Variants in CTNNA3 observed in about 807,000 individuals in gnomAD.
The protein encoded by CTNNA3 is catenin alpha-3.
In CTNNA3, 76 loss-of-function variants were observed where a neutral mutation model predicts 95.7. The observed-to-expected ratio is 0.79, with a 90% CI of 0.66 to 0.96. The LOEUF (loss-of-function observed/expected upper bound fraction) is 0.96. CTNNA3 is among the 40% of genes least tolerant of loss of function. CTNNA3 has a pLI of 0.00. For missense variants in CTNNA3, 1,191 were observed against 1,089.8 expected, an observed-to-expected ratio of 1.09 and a Z score of -1.31; for synonymous variants, 431 against 374.4, an observed-to-expected ratio of 1.15 and a Z score of -1.74.
intron 7 of CTNNA3, among the ~76,000 whole-genome samples, chr10:67,163,056 T>G (rs1421677566): frequency 6.6e-6 from 1 of 151,912 alleles, no homozygotes; most frequent in Non-Finnish European, 1.5e-5. Context: ...CTGCCAAATA[T>G]TTAAACATAT....
chr10:66,920,971 G>A (rs534918127), intron 7 of CTNNA3, among the ~76,000 whole-genome samples: 32 of 152,260 alleles, frequency 2.1e-4, no homozygotes, highest in African/African-American at 7.5e-4. Flanking sequence ...TGGTGGCCTC[G>A]TTACTGTGTC....
At chr10:66,758,610 C>T (rs1396036628) in intron 9 of CTNNA3, among the ~76,000 whole-genome samples, 1 of 152,118 alleles carries the variant, frequency 6.6e-6, no homozygotes, top group Non-Finnish European at 1.5e-5. Flanking sequence ...TTTTCAAGTT[C>T]AGAGAAGTTT....
intron 11 of CTNNA3, among the ~76,000 whole-genome samples, chr10:66,504,081 A>G (rs1423813712): frequency 6.6e-6 from 1 of 152,108 alleles, no homozygotes; most frequent in African/African-American, 2.4e-5. Context: ...TTGTTCTCTC[A>G]GCGATTTTCA....
At chr10:67,440,228 G>C (rs1374150159) in intron 5 of CTNNA3, among the ~76,000 whole-genome samples, 1 of 152,218 alleles carries the variant, frequency 6.6e-6, no homozygotes, top group Non-Finnish European at 1.5e-5. Context: ...GGTGGTGGTG[G>C]TGGCGATGGA....
At chr10:66,626,363 T>C (rs1374092572) in intron 9 of CTNNA3, among the ~76,000 whole-genome samples, 9 of 136,794 alleles carry the variant, frequency 6.6e-5, no homozygotes, top group African/African-American at 2.1e-4. Flanking sequence ...ATTGTTTATA[T>C]ATTGTTCATA....
At chr10:66,933,193 C>T (rs1847506281) in intron 7 of CTNNA3, among the ~76,000 whole-genome samples, 1 of 152,206 alleles carries the variant, frequency 6.6e-6, no homozygotes, top group African/African-American at 2.4e-5. Context: ...TACAGAACCC[C>T]AAGCCCATTT....
At chr10:66,902,708 C>T (rs61866196) in intron 7 of CTNNA3, among the ~76,000 whole-genome samples, 4 of 152,062 alleles carry the variant, frequency 2.6e-5, no homozygotes, top group Admixed American at 6.6e-5. Flanking sequence ...ATATCACCAC[C>T]GATCCCACAG....
intron 5 of CTNNA3, among the ~76,000 whole-genome samples, chr10:67,292,347 G>A (rs1449145358): frequency 1.3e-5 from 2 of 152,040 alleles, no homozygotes; most frequent in Admixed American, 1.3e-4. Flanking sequence ...GAGACAGGAG[G>A]GCAGGAGAAA....
intron 6 of CTNNA3, among the ~76,000 whole-genome samples, chr10:67,203,670 G>T (rs1226466171): frequency 3.3e-5 from 5 of 151,954 alleles, no homozygotes; most frequent in Non-Finnish European, 7.4e-5. Context: ...AAAATATCTT[G>T]ATTTTTCTTG....
chr10:66,428,430 C>G (rs1341178477), intron 11 of CTNNA3, among the ~76,000 whole-genome samples: 3 of 152,120 alleles, frequency 2.0e-5, no homozygotes, highest in Admixed American at 2.0e-4. Context: ...AACTCTCCAC[C>G]CCAAATCAAC....
intron 9 of CTNNA3, among the ~76,000 whole-genome samples, chr10:66,692,061 C>T (rs1195370440): frequency 6.6e-6 from 1 of 152,186 alleles, no homozygotes; most frequent in African/African-American, 2.4e-5. Context: ...AGCGCCTCTC[C>T]TCCTCCAAAG....
chr10:67,693,309 T>A (rs12415174), intron 1 of CTNNA3, among the ~76,000 whole-genome samples: 35,786 of 151,970 alleles, frequency 0.24, 5,010 homozygotes, highest in East Asian at 0.51. Flanking sequence ...TCCACCCCGC[T>A]GTACCATCTC....
At chr10:66,572,348 A>C (rs539366136) in intron 10 of CTNNA3, among the ~76,000 whole-genome samples, 1 of 151,032 alleles carries the variant, frequency 6.6e-6, no homozygotes. Flanking sequence ...GCACCACTGC[A>C]CTCCAGCCTG....
chr10:67,297,521 T>A (rs1317351272), intron 5 of CTNNA3, among the ~76,000 whole-genome samples: 2 of 152,220 alleles, frequency 1.3e-5, no homozygotes, highest in African/African-American at 4.8e-5. Flanking sequence ...TTCAGTATAC[T>A]ATGCAATCCA....
At chr10:66,703,915 C>G (rs1017864146) in intron 9 of CTNNA3, among the ~76,000 whole-genome samples, 1 of 152,138 alleles carries the variant, frequency 6.6e-6, no homozygotes, top group African/African-American at 2.4e-5. Context: ...TACTACATGA[C>G]CAGAAGATGC....
At chr10:66,964,292 C>G (rs1213218797) in intron 7 of CTNNA3, among the ~76,000 whole-genome samples, 1 of 142,772 alleles carries the variant, frequency 7.0e-6, no homozygotes, top group Non-Finnish European at 1.5e-5. Flanking sequence ...TTTTTTTTTT[C>G]CGCATTTCAA....
At chr10:67,450,547 A>T (rs967053333) in intron 5 of CTNNA3, among the ~76,000 whole-genome samples, 72 of 152,248 alleles carry the variant, frequency 4.7e-4, no homozygotes, top group African/African-American at 1.7e-3. Context: ...ATCAAATACC[A>T]CATGTTCTCA....
At chr10:67,300,595 T>C (rs559798411) in intron 5 of CTNNA3, among the ~76,000 whole-genome samples, 5 of 152,358 alleles carry the variant, frequency 3.3e-5, no homozygotes, top group East Asian at 1.9e-4. Context: ...TTCTACCTTA[T>C]TGACTATAGG....
At chr10:67,630,963 T>C (rs10997763) in intron 2 of CTNNA3, among the ~76,000 whole-genome samples, 20,112 of 152,228 alleles carry the variant, frequency 0.13, 1,435 homozygotes, top group Non-Finnish European at 0.16. Flanking sequence ...ACAGTTTCAT[T>C]ATATAATGAC....
Sources: gnomAD v4.1 joint callset for allele counts (sites outside exome capture counted in the v4.1 genomes callset) on GRCh38, gnomAD v4.1.1 for gene constraint, MANE v1.5 for transcripts, NCBI Gene and HGNC (gene_info 2026-07-23, HGNC 2026-07-21) for gene names.